The following GPSM1 variants were observed in gnomAD, a reference collection of about 807,000 sequenced individuals.
GPSM1 encodes the protein G protein signaling modulator 1.
A neutral mutation model predicts 70.5 loss-of-function variants in GPSM1; 48 were observed. The observed-to-expected ratio is 0.68, with a 90% CI of 0.54 to 0.87. GPSM1 has a LOEUF of 0.87. Among genes scored for constraint, GPSM1 ranks in the 40% least tolerant of loss-of-function variants. The pLI is 0.00. For synonymous variants in GPSM1, 416 were observed against 430.1 expected (o/e 0.97, Z 0.41); for missense variants, 981 against 972.6 (o/e 1.01, Z -0.11).
intron 11 of GPSM1, among the ~76,000 whole-genome samples, chr9:136,351,606 G>A (rs1163016494): frequency 6.6e-6 from 1 of 152,216 alleles, no homozygotes; most frequent in Non-Finnish European, 1.5e-5. Context: ...TGGGCCAGCA[G>A]GGCAAGGGGA....
chr9:136,355,065 GT>G (rs1832779068), intron 11 of GPSM1: 3 of 505,948 alleles, frequency 5.9e-6, no homozygotes, highest in Admixed American at 8.5e-5. Flanking sequence ...GGTGCCGAGG[GT>G]GGATGACACA....
Position 136,349,636 on chromosome 9 carries a change from G to A in GPSM1, c.1328G>A (p.Arg443Lys), listed in dbSNP as rs782194145. 6.5e-6 allele frequency: 10 copies of A among 1,550,082 alleles called. No homozygotes were observed. The highest frequency in any genetic ancestry group is 8.7e-6 in the Non-Finnish European group (10 of 1,146,744). Residue 443 changes from arginine to lysine, a missense_variant, in exon 11 of 14, where the codon AGG becomes AAG. Coordinates refer to ENST00000440944, the MANE Select transcript of GPSM1 (RefSeq NM_001145638.3). ...TCAGGGGACTGGCGGGGGCCCAGCA[G>A]GGACTCGCTACCCCTCCCCGTGAGG... ...HHSGDWRGPS[R>K]DSLPLPVRSR...
intron 11 of GPSM1, among the ~76,000 whole-genome samples, 186 bp downstream of exon 11, chr9:136,349,949 T>C (rs1157635168): frequency 6.6e-6 from 1 of 152,054 alleles, no homozygotes; most frequent in African/African-American, 2.4e-5. Flanking sequence ...CAGGGCTCAG[T>C]GTTTAGCATT....
At chr9:136,335,886 C>G (rs1832220312) in intron 2 of GPSM1, 80 bp from the exon 3 acceptor site, 7 of 1,428,976 alleles carry the variant, frequency 4.9e-6, no homozygotes, top group Non-Finnish European at 6.7e-6. Context: ...CCAGCTACCC[C>G]ACCCCATGCT....
chr9:136,331,548 G>A (rs1832100645), intron 1 of GPSM1, among the ~76,000 whole-genome samples: 1 of 152,202 alleles, frequency 6.6e-6, no homozygotes, highest in Admixed American at 6.5e-5. Flanking sequence ...TGGGGGAAGA[G>A]GTGCTGGGCT....
intron 1 of GPSM1, among the ~76,000 whole-genome samples, chr9:136,328,974 AGTGTGTGGAGCTGTGAGAGAGTGT>A (rs373957968): frequency 0.024 from 3,695 of 152,036 alleles, 165 homozygotes; most frequent in African/African-American, 0.083. Context: ...TTTGAGTGTG[AGTGTGTGGAGCTGTGAGAGAGTGT>A]GTGTGTGGAG....
rs73565150 is a variant in GPSM1, at chr9:136,354,476, C to A, written c.1456-1214C>A. Among the ~76,000 whole-genome samples the A allele has an allele frequency of 6.8e-3, 1,040 of 152,358 alleles. 14 individuals are homozygous for A. The highest frequency in any genetic ancestry group is 0.024 in the African/African-American group (985 of 41,576). On this transcript the variant is annotated intron_variant, in intron 11 of 13. Transcript: ENST00000440944. ...GGAGGTGCCATCTCCACCAACATTG[C>A]GTCTCTTGTTAACTCGTTCAGCTGT...
At chr9:136,337,676 C>G (rs2131398113) in intron 5 of GPSM1, 112 bp downstream of exon 5, 4 of 1,100,298 alleles carry the variant, frequency 3.6e-6, no homozygotes, top group Non-Finnish European at 5.4e-6. Context: ...GGCAGCAGGC[C>G]CGCCCCACCG....
At chr9:136,330,285 A>G (rs1380705756) in intron 1 of GPSM1, among the ~76,000 whole-genome samples, 1 of 152,128 alleles carries the variant, frequency 6.6e-6, no homozygotes, top group Non-Finnish European at 1.5e-5. Flanking sequence ...AGCAGTCACC[A>G]GCTCCCAGAC....
chr9:136,357,042 C>A (rs1443281200), intron 13 of GPSM1, among the ~76,000 whole-genome samples: 1 of 152,192 alleles, frequency 6.6e-6, no homozygotes, highest in East Asian at 1.9e-4. Context: ...GGGTCCAGCC[C>A]CAGAGGGCAG....
Position 136,358,545 on chromosome 9 carries a change from C to T in GPSM1, c.*325C>T. The T allele has an allele frequency of 2.1e-6, 1 of 476,564 alleles. No homozygotes were observed. Among genetic ancestry groups the T allele is most frequent in the South Asian group, 2.6e-5 (1 of 37,794 alleles). The allele number at this position is 476,564 out of a possible 1,614,324, so 29.5% of individuals were successfully genotyped here. A position where few individuals can be genotyped will look rare whatever the true frequency, so the allele number is the denominator to read the frequency against. ...CAAGCCCTTCCCGTTCTGCCCTGCC[C>T]TGCCAAATGTGAAACCCTGCTGTCT... On this transcript the variant is annotated 3_prime_UTR_variant, in exon 14 of 14. Transcript: ENST00000440944.
intron 7 of GPSM1, among the ~76,000 whole-genome samples, chr9:136,339,227 G>A (rs1832326530): frequency 1.3e-5 from 2 of 152,266 alleles, no homozygotes; most frequent in African/African-American, 2.4e-5. Flanking sequence ...TGCACAGCAT[G>A]AATGTACAAA....
chr9:136,340,080 G>A lies in GPSM1; in HGVS notation c.1083+265G>A, dbSNP rs904587984. 1.3e-5 allele frequency among the ~76,000 whole-genome samples: 2 copies of A among 152,214 alleles called. No homozygotes were observed. The highest frequency in any genetic ancestry group is 2.9e-5 in the Non-Finnish European group (2 of 68,032). On this transcript the variant is annotated intron_variant, in intron 8 of 13. Coordinates refer to ENST00000440944, the MANE Select transcript of GPSM1 (RefSeq NM_001145638.3). This position sits in a 1 kb window ranked among gnomAD's most constrained non-coding sequence, Gnocchi z 7.3. ...TTTGCACAGGGTCTCTGTGGGCTCC[G>A]CCCATCAGCGCCCTCCTACTGTGGT...
At chr9:136,353,135 T>C in intron 11 of GPSM1, 2 of 984,226 alleles carry the variant, frequency 2.0e-6, no homozygotes, top group Non-Finnish European at 2.4e-6. Context: ...CCTGCTGCTG[T>C]GGAGACAGCC....
rs782041185 is a variant in GPSM1, at chr9:136,336,946, A to G, written c.452A>G (p.Asn151Ser). Reference sequence around the variant, plus strand: ...GTTGGGGAGGCGAGGGCCCTCTACAACATCGGGAACGTGTACCACGCCAAA... The same window carrying G: ...GTTGGGGAGGCGAGGGCCCTCTACAGCATCGGGAACGTGTACCACGCCAAA... ...DKVGEARALY[N>S]IGNVYHAKGK... The change falls in exon 4 of 14, where the codon AAC (asparagine) becomes AGC (serine). Residue 151 changes from asparagine to serine, a missense_variant. Physicochemically the swap from Asn to Ser is conservative, Grantham distance 46. Transcript: ENST00000440944. The G allele has an allele frequency of 6.4e-7, 1 of 1,557,438 alleles. No individual in the cohort carries two copies. The highest frequency in any genetic ancestry group is 1.4e-5 in the African/African-American group (1 of 73,356).
At chr9:136,348,587 T>G in intron 9 of GPSM1, 110 bp from the exon 10 acceptor site, 1 of 729,588 alleles carries the variant, frequency 1.4e-6, no homozygotes, top group South Asian at 2.0e-5. Flanking sequence ...GGGCTGGCTG[T>G]CAGAAAGCCA....
chr9:136,346,479 G>A (rs1224251322), intron 9 of GPSM1, among the ~76,000 whole-genome samples: 1 of 152,224 alleles, frequency 6.6e-6, no homozygotes, highest in Non-Finnish European at 1.5e-5. Context: ...CCCATAGGTA[G>A]CACCTTGCTG....
rs549884309 is a variant in GPSM1, at chr9:136,357,677, C to G, written c.1822-337C>G. Among the ~76,000 whole-genome samples, 450 of 152,326 alleles carry G rather than the reference C, an allele frequency of 3.0e-3. 4 individuals are homozygous for G. Among genetic ancestry groups the G allele is most frequent in the African/African-American group, 0.01 (427 of 41,562 alleles). ...GCCACGCATGCCCGTCCCTGGGGATCAGCAGATGTGGGGAGCAGGCATCCA... is the reference window on the plus strand; with the variant it reads ...GCCACGCATGCCCGTCCCTGGGGATGAGCAGATGTGGGGAGCAGGCATCCA... On this transcript the variant is annotated intron_variant, in intron 13 of 13. Coordinates refer to ENST00000440944, the MANE Select transcript of GPSM1 (RefSeq NM_001145638.3).
Position 136,345,953 on chromosome 9 carries a change from C to T in GPSM1, c.1208-2744C>T, listed in dbSNP as rs575552860. ...CCACCCGAGGCTGGGGCGGCTCCAC[C>T]TCAGTGCCTGGCCGGATCCTGAATG... is the stretch of plus-strand genomic sequence containing the variant. On this transcript the variant is annotated intron_variant, in intron 9 of 13. Coordinates refer to ENST00000440944, the MANE Select transcript of GPSM1 (RefSeq NM_001145638.3). 3.9e-5 allele frequency among the ~76,000 whole-genome samples: 6 copies of T among 152,330 alleles called. No individual in the cohort carries two copies. In the South Asian group the frequency reaches 1.2e-3, roughly 32 times the overall value.
Sources: gnomAD v4.1 joint callset for allele counts (sites outside exome capture counted in the v4.1 genomes callset) on GRCh38, gnomAD v4.1.1 for gene constraint, Gnocchi (gnomAD v3.1) non-coding constraint, MANE v1.5 for transcripts, NCBI Gene and HGNC (gene_info 2026-07-23, HGNC 2026-07-21) for gene names.